IMMP2L: variants seen among roughly 807,000 people sequenced by gnomAD.
IMMP2L encodes the protein mitochondrial inner membrane protease subunit 2.
Under a neutral mutation model 19.3 loss-of-function variants are expected in IMMP2L, and 18 were observed. That is an observed-to-expected ratio of 0.93 (90% CI 0.64 to 1.38). IMMP2L has a LOEUF of 1.38. Among genes scored for constraint, IMMP2L ranks in the 40% most tolerant of loss-of-function variants. The pLI, the probability that IMMP2L is intolerant of heterozygous loss-of-function variation, is 0.00. For synonymous variants in IMMP2L, 76 were observed against 73.0 expected (o/e 1.04, Z -0.21); for missense variants, 233 against 218.2 (o/e 1.07, Z -0.43).
chr7:111,057,835 T>G (rs1793653417), intron 3 of IMMP2L, among the ~76,000 whole-genome samples: 1 of 152,336 alleles, frequency 6.6e-6, no homozygotes, highest in Admixed American at 6.5e-5. Flanking sequence ...AACTTCTTTC[T>G]TTAATGTAAA....
At position 111,450,665 on chromosome 7, in the gene IMMP2L, C is replaced by T. The variant is rs1308238013; in HGVS notation, c.239+36573G>A. ...TAGGCGTGGGCAAGGACTTCATGTC[C>T]AAAACACCAAAAGCAATGGCAACCA... On this transcript the variant is annotated intron_variant, in intron 3 of 5. Coordinates refer to ENST00000405709, the MANE Select transcript of IMMP2L (RefSeq NM_032549.4). Among the ~76,000 whole-genome samples, 7 of 149,562 alleles carry T rather than the reference C, an allele frequency of 4.7e-5. No individual in the cohort carries two copies. The East Asian group carries it at 5.9e-4, about 13-fold the overall frequency.
chr7:110,983,977 A>G (rs571163900), intron 3 of IMMP2L, among the ~76,000 whole-genome samples: 135 of 152,200 alleles, frequency 8.9e-4, no homozygotes, highest in African/African-American at 3.2e-3. Flanking sequence ...TATCTCAGCC[A>G]GTCATTACAT....
intron 3 of IMMP2L, among the ~76,000 whole-genome samples, chr7:111,406,008 A>G (rs1833874214): frequency 6.6e-6 from 1 of 152,100 alleles, no homozygotes; most frequent in Non-Finnish European, 1.5e-5. Flanking sequence ...ACTAAGGTGC[A>G]TAGCTTTAAA....
chr7:111,373,881 T>C (rs1226052967), intron 3 of IMMP2L, among the ~76,000 whole-genome samples: 2 of 152,100 alleles, frequency 1.3e-5, no homozygotes, highest in Admixed American at 6.6e-5. Context: ...AAGGAACTCA[T>C]ATTTGACAAG....
intron 3 of IMMP2L, among the ~76,000 whole-genome samples, chr7:111,372,110 G>T (rs1232406519): frequency 6.6e-6 from 1 of 151,924 alleles, no homozygotes; most frequent in Non-Finnish European, 1.5e-5. Flanking sequence ...CCAACATCAT[G>T]CATAAAAATT....
chr7:110,854,726 T>C (rs1227809525), intron 5 of IMMP2L, among the ~76,000 whole-genome samples: 1 of 151,944 alleles, frequency 6.6e-6, no homozygotes, highest in Non-Finnish European at 1.5e-5. Flanking sequence ...CATTCAATAA[T>C]CAGACCTCAA....
intron 3 of IMMP2L, among the ~76,000 whole-genome samples, chr7:111,225,029 C>A (rs1266677667): frequency 6.6e-6 from 1 of 152,114 alleles, no homozygotes; most frequent in Non-Finnish European, 1.5e-5. Flanking sequence ...TAAGGAACAG[C>A]ACTCCTGGTT....
At chr7:111,282,177 A>T (rs978047666) in intron 3 of IMMP2L, among the ~76,000 whole-genome samples, 2 of 152,186 alleles carry the variant, frequency 1.3e-5, no homozygotes, top group African/African-American at 4.8e-5. Context: ...ACATAAAAAA[A>T]TTATAGAAAG....
chr7:110,858,948 G>T (rs1296762687), intron 5 of IMMP2L, among the ~76,000 whole-genome samples: 1 of 151,972 alleles, frequency 6.6e-6, no homozygotes, highest in Non-Finnish European at 1.5e-5. Context: ...ATTTTTTGTG[G>T]CTCCATAGTA....
rs79910064 is a variant in IMMP2L at position 111,236,906 on chromosome 7, T to C, written c.239+250332A>G. Among the ~76,000 whole-genome samples the C allele has an allele frequency of 8.6e-3, 1,304 of 152,260 alleles. 10 individuals are homozygous for C. Among genetic ancestry groups the C allele is most frequent in the Middle Eastern group, 0.014 (4 of 294 alleles). Reference sequence around the variant, plus strand: ...TGTCTGAAGACTCCCTTTCATACGGTGTATCTGGTCTTTTTTGTTTGTTTC... The same window carrying C: ...TGTCTGAAGACTCCCTTTCATACGGCGTATCTGGTCTTTTTTGTTTGTTTC... On this transcript the variant is annotated intron_variant, in intron 3 of 5. Coordinates refer to ENST00000405709, the MANE Select transcript of IMMP2L (RefSeq NM_032549.4).
At chr7:111,292,354 C>G (rs141523717) in intron 3 of IMMP2L, among the ~76,000 whole-genome samples, 1,691 of 152,146 alleles carry the variant, frequency 0.011, 13 homozygotes, top group South Asian at 0.025. Context: ...AAGGGAATTG[C>G]CTGGCAGCCT....
intron 4 of IMMP2L, 36 bp from the exon 5 acceptor site, chr7:110,886,731 A>C: frequency 1.0e-6 from 1 of 989,286 alleles, no homozygotes; most frequent in South Asian, 1.3e-5. Context: ...AGATATGAGT[A>C]GAAAAGAGAT....
chr7:111,342,659 T>C (rs916578780), intron 3 of IMMP2L, among the ~76,000 whole-genome samples: 3 of 152,050 alleles, frequency 2.0e-5, no homozygotes, highest in Non-Finnish European at 4.4e-5. Context: ...TTTCTCTGTA[T>C]TATCTTATTG....
chr7:111,066,995 A>G (rs1794566847), intron 3 of IMMP2L, among the ~76,000 whole-genome samples: 2 of 152,074 alleles, frequency 1.3e-5, no homozygotes, highest in South Asian at 2.1e-4. Flanking sequence ...GCTCAGCAGT[A>G]CTCTATCCAT....
At chr7:110,817,443 C>G (rs1289289636) in intron 5 of IMMP2L, among the ~76,000 whole-genome samples, 2 of 152,046 alleles carry the variant, frequency 1.3e-5, no homozygotes, top group African/African-American at 4.8e-5. Context: ...CTACAAACCA[C>G]TGCTCAATGA....
At position 110,740,215 on chromosome 7, in the gene IMMP2L, G is replaced by C. The variant is rs151284443; in HGVS notation, c.409-76494C>G. 6.6e-3 allele frequency among the ~76,000 whole-genome samples: 1,003 copies of C among 152,074 alleles called. 7 individuals carry two copies. The highest frequency in any genetic ancestry group is 0.01 in the Middle Eastern group (3 of 294). On this transcript the variant is annotated intron_variant, in intron 5 of 5. Coordinates refer to ENST00000405709, the MANE Select transcript of IMMP2L (RefSeq NM_032549.4). ...AGAAGAAGAAACATAACAAAGATCT[G>C]AGCAGAACTAAATGAAATTGAAACA... is the stretch of plus-strand genomic sequence containing the variant.
chr7:110,819,518 C>T (rs1164176254), intron 5 of IMMP2L, among the ~76,000 whole-genome samples: 1 of 151,998 alleles, frequency 6.6e-6, no homozygotes, highest in African/African-American at 2.4e-5. Flanking sequence ...TGGTGGAGAG[C>T]TGCTTCCACT....
At chr7:110,756,586 C>G (rs908854737) in intron 5 of IMMP2L, among the ~76,000 whole-genome samples, 1 of 152,030 alleles carries the variant, frequency 6.6e-6, no homozygotes, top group Non-Finnish European at 1.5e-5. Flanking sequence ...CTGAGAATGA[C>G]TGATTCTGGA....
At chr7:111,319,131 G>A (rs142694590) in intron 3 of IMMP2L, among the ~76,000 whole-genome samples, 1 of 152,200 alleles carries the variant, frequency 6.6e-6, no homozygotes, top group Non-Finnish European at 1.5e-5. Flanking sequence ...CTGAGGGCAC[G>A]ATTACACTTT....
Sources: gnomAD v4.1 joint callset for allele counts (sites outside exome capture counted in the v4.1 genomes callset) on GRCh38, gnomAD v4.1.1 for gene constraint, MANE v1.5 for transcripts, NCBI Gene and HGNC (gene_info 2026-07-23, HGNC 2026-07-21) for gene names.